Variants in PCDH9 observed in about 807,000 individuals in gnomAD.
The protein encoded by PCDH9 is protocadherin-9.
In PCDH9, 24 loss-of-function variants were observed where a neutral mutation model predicts 70.6. That is an observed-to-expected ratio of 0.34 (90% CI 0.25 to 0.48). The LOEUF (loss-of-function observed/expected upper bound fraction) is 0.48. Ranked by LOEUF, PCDH9 falls within the 20% of genes least tolerant of loss-of-function variation. The probability of loss-of-function intolerance (pLI) is 0.99; values close to 1 mark genes in which losing one functional copy is unlikely to be tolerated. For missense variants in PCDH9, 1,281 were observed against 1,503.6 expected, an observed-to-expected ratio of 0.85 and a Z score of 2.45; for synonymous variants, 562 against 558.5, an observed-to-expected ratio of 1.01 and a Z score of -0.09.
intron 3 of PCDH9, among the ~76,000 whole-genome samples, chr13:66,790,370 C>A (rs1173124608): frequency 6.6e-6 from 1 of 151,996 alleles, no homozygotes; most frequent in African/African-American, 2.4e-5. Flanking sequence ...TTGCAAATAT[C>A]TTCTAGCTTG....
intron 3 of PCDH9, among the ~76,000 whole-genome samples, chr13:66,665,569 C>G (rs749034152): frequency 2.0e-5 from 3 of 152,090 alleles, no homozygotes; most frequent in Non-Finnish European, 4.4e-5. Context: ...ACTTCCTTGA[C>G]GCATCCAATA....
At position 66,840,405 on chromosome 13, in the gene PCDH9, G is replaced by A. The variant is rs1011101282; in HGVS notation, c.3138+63099C>T. Among the ~76,000 whole-genome samples the A allele has an allele frequency of 1.2e-4, 18 of 152,122 alleles. No individual in the cohort carries two copies. In the East Asian group the frequency reaches 2.1e-3, roughly 18 times the overall value. The stretch of plus-strand genomic sequence containing the variant: ...TCAAATACATCTTGACTTATTCATG[G>A]GCATTGATATGTTTATGTAAGGTTA... On this transcript the variant is annotated intron_variant, in intron 3 of 4. Coordinates refer to ENST00000377865, the MANE Select transcript of PCDH9 (RefSeq NM_203487.3).
intron 2 of PCDH9, among the ~76,000 whole-genome samples, chr13:67,076,206 A>G (rs1399737777): frequency 6.6e-6 from 1 of 152,146 alleles, no homozygotes; most frequent in Non-Finnish European, 1.5e-5. Context: ...TTATTATTTC[A>G]GTTACAGATC....
chr13:66,328,775 A>AT (rs374222324), intron 4 of PCDH9, among the ~76,000 whole-genome samples: 108 of 151,584 alleles, frequency 7.1e-4, no homozygotes, highest in African/African-American at 1.5e-3. Flanking sequence ...TCAAGAAGTG[A>AT]TTTTTTTTTC....
At chr13:67,151,190 T>C (rs1224527785) in intron 2 of PCDH9, among the ~76,000 whole-genome samples, 1 of 151,194 alleles carries the variant, frequency 6.6e-6, no homozygotes, top group Non-Finnish European at 1.5e-5. Context: ...ATAGCTCCTT[T>C]TTTAAAAAAA....
intron 3 of PCDH9, among the ~76,000 whole-genome samples, chr13:66,841,068 A>C (rs1163470243): frequency 6.6e-6 from 1 of 152,222 alleles, no homozygotes; most frequent in Non-Finnish European, 1.5e-5. Context: ...CTGTAGCATG[A>C]AGGTATGTTA....
chr13:66,903,324 C>T (rs1043876453), intron 3 of PCDH9, among the ~76,000 whole-genome samples, 180 bp downstream of exon 3: 9 of 151,398 alleles, frequency 5.9e-5, no homozygotes, highest in African/African-American at 1.7e-4. Context: ...AGATATATAT[C>T]GCTGGATTTT....
chr13:66,342,259 TAA>T (rs1373338866), intron 4 of PCDH9, among the ~76,000 whole-genome samples: 1 of 152,216 alleles, frequency 6.6e-6, no homozygotes, highest in Non-Finnish European at 1.5e-5. Flanking sequence ...TGCAAAATTT[TAA>T]GTGTGAGAAT....
intron 3 of PCDH9, among the ~76,000 whole-genome samples, chr13:66,744,665 A>G (rs1010975613): frequency 3.3e-5 from 5 of 152,074 alleles, no homozygotes; most frequent in Non-Finnish European, 7.4e-5. Context: ...CATTCTCTTT[A>G]TTATTTTCAA....
intron 4 of PCDH9, among the ~76,000 whole-genome samples, chr13:66,492,254 T>A (rs372252534): frequency 1.3e-5 from 2 of 152,056 alleles, no homozygotes; most frequent in South Asian, 4.1e-4. Context: ...CTTTCATGGT[T>A]ATATAACATG....
At chr13:66,638,168 T>C (rs925944159) in intron 3 of PCDH9, among the ~76,000 whole-genome samples, 3 of 152,176 alleles carry the variant, frequency 2.0e-5, no homozygotes, top group African/African-American at 7.2e-5. Flanking sequence ...AAATACTATA[T>C]TCCACAACTT....
At chr13:66,867,054 T>G (rs1388340740) in intron 3 of PCDH9, among the ~76,000 whole-genome samples, 1 of 151,236 alleles carries the variant, frequency 6.6e-6, no homozygotes, top group Non-Finnish European at 1.5e-5. Context: ...TTAATAGCGC[T>G]GAGGGCTGTA....
intron 2 of PCDH9, among the ~76,000 whole-genome samples, chr13:67,191,305 T>G (rs2088905150): frequency 6.6e-6 from 1 of 152,128 alleles, no homozygotes; most frequent in African/African-American, 2.4e-5. Context: ...CTCGAAAATA[T>G]AAATTCCTGG....
chr13:66,818,811 A>G (rs150114781), intron 3 of PCDH9, among the ~76,000 whole-genome samples: 2,977 of 152,052 alleles, frequency 0.02, 89 homozygotes, highest in African/African-American at 0.067. Context: ...GCGGGCGCCT[A>G]TAGTCCCAGC....
intron 4 of PCDH9, among the ~76,000 whole-genome samples, chr13:66,453,872 T>G (rs1480594765): frequency 6.6e-6 from 1 of 152,216 alleles, no homozygotes; most frequent in Non-Finnish European, 1.5e-5. Context: ...AAATAAATAT[T>G]TTTATTAAAG....
rs543841637 is a variant in PCDH9, at chr13:66,998,278, A to C, written c.3037-94673T>G. 3.9e-5 allele frequency among the ~76,000 whole-genome samples: 6 copies of C among 152,304 alleles called. No homozygotes were observed. In the South Asian group the frequency reaches 1.2e-3, roughly 32 times the overall value. Reference sequence around the variant, plus strand: ...TAATCTGGAGATTGTTGGTTTAAGGAGTTCTTGGAATTGAAGAAAATTAAT... The same window carrying C: ...TAATCTGGAGATTGTTGGTTTAAGGCGTTCTTGGAATTGAAGAAAATTAAT... On this transcript the variant is annotated intron_variant, in intron 2 of 4. Coordinates refer to ENST00000377865, the MANE Select transcript of PCDH9 (RefSeq NM_203487.3).
intron 3 of PCDH9, among the ~76,000 whole-genome samples, chr13:66,849,079 TG>T (rs2081265086): frequency 6.6e-6 from 1 of 152,164 alleles, no homozygotes; most frequent in Non-Finnish European, 1.5e-5. Flanking sequence ...ATGATTCCTT[TG>T]TAGCAACTTT....
chr13:66,453,460 C>T (rs935221167), intron 4 of PCDH9, among the ~76,000 whole-genome samples: 1 of 152,086 alleles, frequency 6.6e-6, no homozygotes, highest in African/African-American at 2.4e-5. Flanking sequence ...TTTTGCAGGT[C>T]CCCAGCACTA....
At chr13:66,929,406 C>T (rs1422211499) in intron 2 of PCDH9, among the ~76,000 whole-genome samples, 13 of 151,986 alleles carry the variant, frequency 8.6e-5, no homozygotes. Flanking sequence ...TGACTGCAAC[C>T]TCCACCTCCC....
Sources: gnomAD v4.1 joint callset for allele counts (sites outside exome capture counted in the v4.1 genomes callset) on GRCh38, gnomAD v4.1.1 for gene constraint, MANE v1.5 for transcripts, NCBI Gene and HGNC (gene_info 2026-07-23, HGNC 2026-07-21) for gene names.